RSF1: variants seen among roughly 807,000 people sequenced by gnomAD.
The protein encoded by RSF1 is HBV pX-associated protein 8.
Under a neutral mutation model 145.2 loss-of-function variants are expected in RSF1, and 13 were observed. That is an observed-to-expected ratio of 0.09 (90% CI 0.06 to 0.14). RSF1 has a LOEUF of 0.14. RSF1 is among the 10% of genes least tolerant of loss of function. The pLI, the probability that RSF1 is intolerant of heterozygous loss-of-function variation, is 1.00. For synonymous variants in RSF1, 577 were observed against 592.6 expected, an observed-to-expected ratio of 0.97 and a Z score of 0.38; for missense variants, 1,517 against 1,718.2, an observed-to-expected ratio of 0.88 and a Z score of 2.07.
chr11:77,671,225 A>T (rs2135811257), intron 15 of RSF1, among the ~76,000 whole-genome samples: 1 of 134,794 alleles, frequency 7.4e-6, no homozygotes, highest in African/African-American at 2.7e-5. Flanking sequence ...TATATATATA[A>T]TTTAAGTAAA....
At chr11:77,859,591 C>G in the RSF1 span, among the ~76,000 whole-genome samples, 1 of 152,164 alleles carries the variant, frequency 6.6e-6, no homozygotes, top group African/African-American at 2.4e-5. Context: ...GCACTAGTTC[C>G]TGGAGTGAGG....
chr11:77,736,223 T>C (rs1268660018), intron 4 of RSF1, among the ~76,000 whole-genome samples: 1 of 152,246 alleles, frequency 6.6e-6, no homozygotes, highest in African/African-American at 2.4e-5. Context: ...TCAGTTCTGC[T>C]TCCCCATAAT....
intron 2 of RSF1, among the ~76,000 whole-genome samples, chr11:77,759,172 A>G (rs1948145899): frequency 6.6e-6 from 1 of 152,196 alleles, no homozygotes; most frequent in Non-Finnish European, 1.5e-5. Flanking sequence ...TCATAGTTCA[A>G]CAAATAAGTA....
At chr11:77,799,101 G>T (rs1385634521) in intron 1 of RSF1, among the ~76,000 whole-genome samples, 1 of 151,856 alleles carries the variant, frequency 6.6e-6, no homozygotes, top group African/African-American at 2.4e-5. Context: ...TCTTGAATGG[G>T]GGAAAATATT....
chr11:77,781,511 T>G (rs762734878), intron 1 of RSF1, among the ~76,000 whole-genome samples: 1 of 152,238 alleles, frequency 6.6e-6, no homozygotes, highest in Non-Finnish European at 1.5e-5. Flanking sequence ...TCATGAGTTG[T>G]GTGGTAGAGA....
intron 1 of RSF1, chr11:77,813,571 A>G (rs2135989993): frequency 1.5e-6 from 1 of 682,434 alleles, no homozygotes; most frequent in Non-Finnish European, 2.7e-6. Context: ...AAGTCAGCAC[A>G]CACCTTTTCC....
At chr11:77,719,583 C>T (rs963582218) in intron 5 of RSF1, among the ~76,000 whole-genome samples, 1 of 152,056 alleles carries the variant, frequency 6.6e-6, no homozygotes, top group Admixed American at 6.6e-5. Context: ...TTTTAGATGT[C>T]GACAGCAACT....
At chr11:77,845,938 A>G in the RSF1 span, among the ~76,000 whole-genome samples, 2 of 151,720 alleles carry the variant, frequency 1.3e-5, no homozygotes, top group South Asian at 2.1e-4. Flanking sequence ...GTTTCCCCCA[A>G]TCCCCATATG....
intron 1 of RSF1, among the ~76,000 whole-genome samples, chr11:77,814,754 C>T (rs1948766089): frequency 3.3e-5 from 5 of 152,174 alleles, no homozygotes; most frequent in Admixed American, 3.3e-4. Flanking sequence ...CGAAAAAATA[C>T]ATTTTTATAA....
intron 1 of RSF1, among the ~76,000 whole-genome samples, chr11:77,778,532 C>A (rs112173643): frequency 3.3e-5 from 5 of 152,074 alleles, no homozygotes; most frequent in African/African-American, 9.7e-5. Context: ...CTAACATATG[C>A]TCCCTCTTCT....
the RSF1 span, chr11:77,850,983 T>C: frequency 7.4e-6 from 1 of 134,720 alleles, no homozygotes; most frequent in Non-Finnish European, 1.5e-5. Context: ...TGAGATGGAG[T>C]CTCGCTCTGT....
At chr11:77,729,894 G>GAAAAAAAAAAA (rs1565162510) in intron 4 of RSF1, among the ~76,000 whole-genome samples, 3 of 11,774 alleles carry the variant, frequency 2.5e-4, no homozygotes, top group African/African-American at 9.4e-4. Context: ...TATTCAGTAG[G>GAAAAAAAAAAA]CAAAAAAAAA....
At chr11:77,754,415 A>C (rs1948095196) in intron 2 of RSF1, among the ~76,000 whole-genome samples, 1 of 152,030 alleles carries the variant, frequency 6.6e-6, no homozygotes, top group South Asian at 2.1e-4. Context: ...CAGCCTGGGT[A>C]ATGTAGGGAG....
the RSF1 span, among the ~76,000 whole-genome samples, chr11:77,857,249 G>T: frequency 6.6e-6 from 1 of 152,154 alleles, no homozygotes; most frequent in African/African-American, 2.4e-5. Flanking sequence ...ACCTAAGACT[G>T]CCTAGATCAC....
chr11:77,867,283 T>C, the RSF1 span, among the ~76,000 whole-genome samples: 1 of 150,436 alleles, frequency 6.6e-6, no homozygotes, highest in Non-Finnish European at 1.5e-5. Flanking sequence ...ATCTCTACCA[T>C]TAGAAGGTAC....
chr11:77,815,538 T>G (rs182592628), intron 1 of RSF1, among the ~76,000 whole-genome samples: 1 of 152,196 alleles, frequency 6.6e-6, no homozygotes, highest in South Asian at 2.1e-4. Context: ...CTTTTTCATA[T>G]TGCATGTGGT....
chr11:77,776,852 T>C (rs1403289538), intron 1 of RSF1, among the ~76,000 whole-genome samples: 1 of 152,232 alleles, frequency 6.6e-6, no homozygotes, highest in African/African-American at 2.4e-5. Context: ...GTTTTCTCTA[T>C]GTGAACATTT....
Position 77,693,381 on chromosome 11 carries a change from T to C in RSF1, c.2820+126A>G. On this transcript the variant is annotated intron_variant, in intron 8 of 15. Transcript: ENST00000308488. ...AAGCTATTAATAAAAGGTAGAAATC[T>C]AAACAGAGGTAAATACTATTTACAC... 7.4e-6 allele frequency: 4 copies of C among 541,862 alleles called. No individual in the cohort carries two copies. In the South Asian group the frequency reaches 9.8e-5, roughly 13 times the overall value. The allele number at this position is 541,862 out of a possible 1,614,324, so 33.6% of individuals were successfully genotyped here. A position where few individuals can be genotyped will look rare whatever the true frequency, so the allele number is the denominator to read the frequency against.
intron 8 of RSF1, among the ~76,000 whole-genome samples, chr11:77,692,806 T>C (rs1395645694): frequency 6.6e-6 from 1 of 151,644 alleles, no homozygotes; most frequent in African/African-American, 2.4e-5. Flanking sequence ...GCCTCCCGAG[T>C]AGCTTGGACT....
Sources: allele counts gnomAD v4.1 joint callset (sites outside exome capture counted in the v4.1 genomes callset), GRCh38; gene constraint gnomAD v4.1.1; transcripts MANE v1.5; gene names NCBI Gene and HGNC (gene_info 2026-07-23, HGNC 2026-07-21).